CMSS1: variants seen among roughly 807,000 people sequenced by gnomAD.
CMSS1 encodes cms1 ribosomal small subunit homolog.
Under a neutral mutation model 43.5 loss-of-function variants are expected in CMSS1, and 33 were observed. The observed-to-expected ratio is 0.76, with a 90% CI of 0.57 to 1.01. The LOEUF (loss-of-function observed/expected upper bound fraction) is 1.01. Among genes scored for constraint, CMSS1 ranks in the 50% least tolerant of loss-of-function variants. The pLI, the probability that CMSS1 is intolerant of heterozygous loss-of-function variation, is 0.00. For missense variants in CMSS1, 313 were observed against 326.4 expected, an observed-to-expected ratio of 0.96 and a Z score of 0.32; for synonymous variants, 115 against 117.2, an observed-to-expected ratio of 0.98 and a Z score of 0.12.
intron 1 of CMSS1, among the ~76,000 whole-genome samples, chr3:99,897,020 AT>A (rs1004561181): frequency 2.0e-5 from 3 of 151,744 alleles, no homozygotes; most frequent in East Asian, 1.9e-4. Flanking sequence ...CTCAGAACAA[AT>A]TTTTTTTTCT....
At chr3:99,892,945 G>A (rs953717650) in intron 1 of CMSS1, among the ~76,000 whole-genome samples, 1 of 152,166 alleles carries the variant, frequency 6.6e-6, no homozygotes, top group African/African-American at 2.4e-5. Context: ...CAAAGAAGAT[G>A]AGGCCCCTGT....
intron 1 of CMSS1, among the ~76,000 whole-genome samples, chr3:99,998,202 G>A (rs1336198376): frequency 6.6e-6 from 1 of 152,154 alleles, no homozygotes; most frequent in African/African-American, 2.4e-5. Flanking sequence ...AATTACTTTT[G>A]CACCAACCTA....
intron 1 of CMSS1, among the ~76,000 whole-genome samples, chr3:100,013,061 G>C (rs1396046296): frequency 6.6e-6 from 1 of 152,068 alleles, no homozygotes; most frequent in Non-Finnish European, 1.5e-5. Context: ...TTTGTTTGGA[G>C]AGACAGGGTT....
chr3:100,103,861 A>G (rs1291939901), intron 1 of CMSS1, among the ~76,000 whole-genome samples: 1 of 152,230 alleles, frequency 6.6e-6, no homozygotes, highest in Non-Finnish European at 1.5e-5. Context: ...TGTTGGCAGC[A>G]TTATCAATGA....
chr3:99,966,053 A>G (rs1388441288), intron 1 of CMSS1, among the ~76,000 whole-genome samples: 3 of 152,180 alleles, frequency 2.0e-5, no homozygotes, highest in Admixed American at 6.5e-5. Context: ...TGCTGAGGTT[A>G]ATAGGGGTAC....
At chr3:100,001,017 A>G (rs149166784) in intron 1 of CMSS1, among the ~76,000 whole-genome samples, 1,828 of 152,292 alleles carry the variant, frequency 0.012, 23 homozygotes, top group African/African-American at 0.027. Context: ...AAACTGTTCA[A>G]TTCCCTTTGA....
intron 1 of CMSS1, among the ~76,000 whole-genome samples, chr3:100,110,244 G>A (rs149269365): frequency 4.6e-5 from 7 of 152,210 alleles, no homozygotes; most frequent in Non-Finnish European, 7.4e-5. Flanking sequence ...TCTTAAAATA[G>A]CTTCATTTAG....
At chr3:100,028,582 A>T (rs1280019759) in intron 1 of CMSS1, among the ~76,000 whole-genome samples, 1 of 152,186 alleles carries the variant, frequency 6.6e-6, no homozygotes, top group Non-Finnish European at 1.5e-5. Context: ...ATTATTTTTT[A>T]AAAATAATAT....
chr3:99,980,141 G>A (rs879126121), intron 1 of CMSS1, among the ~76,000 whole-genome samples: 1 of 152,154 alleles, frequency 6.6e-6, no homozygotes, highest in Admixed American at 6.5e-5. Flanking sequence ...AGTGAGACAT[G>A]CAGTAGTACC....
At chr3:99,945,323 G>C (rs892954429) in intron 1 of CMSS1, among the ~76,000 whole-genome samples, 1 of 152,168 alleles carries the variant, frequency 6.6e-6, no homozygotes, top group Non-Finnish European at 1.5e-5. Context: ...TACCCAGACT[G>C]CTTCCCAGCC....
chr3:100,093,022 T>G (rs1266748244), intron 1 of CMSS1, among the ~76,000 whole-genome samples: 2 of 152,068 alleles, frequency 1.3e-5, no homozygotes, highest in African/African-American at 4.8e-5. Context: ...TGGGGTTTCA[T>G]AAATACGTTG....
chr3:100,090,388 G>A (rs759521385), intron 1 of CMSS1, among the ~76,000 whole-genome samples: 4 of 152,192 alleles, frequency 2.6e-5, no homozygotes, highest in African/African-American at 2.4e-5. Context: ...CATGCTGGTC[G>A]TGATTTTTCA....
At chr3:100,098,106 A>C (rs1213306698) in intron 1 of CMSS1, among the ~76,000 whole-genome samples, 3 of 152,184 alleles carry the variant, frequency 2.0e-5, no homozygotes, top group Admixed American at 2.0e-4. Context: ...GCTGTGCTGT[A>C]ATTTGTTATT....
chr3:100,075,461 T>A (rs2065835210), intron 1 of CMSS1: 1 of 152,172 alleles, frequency 6.6e-6, no homozygotes, highest in African/African-American at 2.4e-5. Context: ...TCTTTAAACA[T>A]CTCTTGCATT....
chr3:100,027,813 A>G (rs564600729), intron 1 of CMSS1, among the ~76,000 whole-genome samples: 1 of 152,190 alleles, frequency 6.6e-6, no homozygotes, highest in Non-Finnish European at 1.5e-5. Context: ...CTCAGAGGGA[A>G]AAGCATGTGT....
chr3:99,990,820 G>A (rs1266935067), intron 1 of CMSS1, among the ~76,000 whole-genome samples: 6 of 152,110 alleles, frequency 3.9e-5, no homozygotes, highest in Admixed American at 2.0e-4. Context: ...TAAAGAAGGT[G>A]GAAGAAGCAA....
rs538647262 is a variant in CMSS1 at position 99,922,439 on chromosome 3, C to G, written c.64+104396C>G. 3.9e-5 allele frequency among the ~76,000 whole-genome samples: 6 copies of G among 152,126 alleles called. No individual in the cohort carries two copies. In the East Asian group the frequency reaches 5.8e-4, roughly 15 times the overall value. ...AGTTAGTAGGACCTTTCCCCTGCCC[C>G]CTCTCTGCCGTGTAGTGAAAAATAA... On this transcript the variant is annotated intron_variant, in intron 1 of 9. Coordinates refer to ENST00000421999, the MANE Select transcript of CMSS1 (RefSeq NM_032359.4).
At chr3:99,937,542 C>G (rs1707718380) in intron 1 of CMSS1, among the ~76,000 whole-genome samples, 2 of 152,304 alleles carry the variant, frequency 1.3e-5, no homozygotes, top group East Asian at 3.9e-4. Context: ...GCTCTGTGGC[C>G]TTGGGCGTCA....
chr3:100,115,788 T>C (rs2066562433), intron 1 of CMSS1, among the ~76,000 whole-genome samples: 1 of 152,182 alleles, frequency 6.6e-6, no homozygotes, highest in Non-Finnish European at 1.5e-5. Flanking sequence ...AAATCAACTT[T>C]ACTTTCTAAT....
Sources: gnomAD v4.1 joint callset for allele counts (sites outside exome capture counted in the v4.1 genomes callset) on GRCh38, gnomAD v4.1.1 for gene constraint, MANE v1.5 for transcripts, NCBI Gene and HGNC (gene_info 2026-07-23, HGNC 2026-07-21) for gene names.